XKR4: variants seen among roughly 807,000 people sequenced by gnomAD.
XKR4 encodes XK-related protein 4.
XKR4 carries 12 observed loss-of-function variants against 53.9 expected under a neutral mutation model. The observed-to-expected ratio is 0.22, with a 90% confidence interval of 0.14 to 0.36. The LOEUF is 0.36. XKR4 is among the 10% of genes least tolerant of loss of function. XKR4 has a pLI of 1.00. For missense variants in XKR4, 799 were observed against 859.5 expected, an observed-to-expected ratio of 0.93 and a Z score of 0.88; for synonymous variants, 354 against 362.4, an observed-to-expected ratio of 0.98 and a Z score of 0.26.
rs150115784 is a variant in XKR4 at position 55,149,048 on chromosome 8, T to C, written c.806+45754T>C. Among the ~76,000 whole-genome samples the C allele has an allele frequency of 2.1e-3, 324 of 152,368 alleles. 2 individuals carry two copies. Among genetic ancestry groups the C allele is most frequent in the African/African-American group, 7.4e-3 (308 of 41,590 alleles). On this transcript the variant is annotated intron_variant, in intron 1 of 2. Coordinates refer to ENST00000327381, the MANE Select transcript of XKR4 (RefSeq NM_052898.2). ...CAGGAAACACATTTACTTTTTTTTT[T>C]CCTTTACTTCTAAGGTGTAGCCCTA...
chr8:55,376,255 T>A (rs113666254), intron 2 of XKR4, among the ~76,000 whole-genome samples: 7 of 152,310 alleles, frequency 4.6e-5, no homozygotes, highest in African/African-American at 1.7e-4. Context: ...AGTAATGGGA[T>A]TGCTGGGTAA....
intron 1 of XKR4, among the ~76,000 whole-genome samples, chr8:55,246,065 G>C (rs1438375134): frequency 6.6e-6 from 1 of 152,194 alleles, no homozygotes; most frequent in Non-Finnish European, 1.5e-5. Flanking sequence ...TTGTGTCACT[G>C]AACTATAGCC....
chr8:55,162,607 A>G (rs539899305), intron 1 of XKR4, among the ~76,000 whole-genome samples: 4 of 152,324 alleles, frequency 2.6e-5, no homozygotes, highest in African/African-American at 7.2e-5. Flanking sequence ...AATGATTGTT[A>G]CTTTTAAAGC....
At chr8:55,415,641 C>G (rs1804835915) in intron 2 of XKR4, among the ~76,000 whole-genome samples, 1 of 152,292 alleles carries the variant, frequency 6.6e-6, no homozygotes, top group African/African-American at 2.4e-5. Context: ...GCCACTGTTA[C>G]AGAAGAATTC....
chr8:55,406,497 T>C (rs1804685217), intron 2 of XKR4, among the ~76,000 whole-genome samples: 1 of 152,170 alleles, frequency 6.6e-6, no homozygotes, highest in Non-Finnish European at 1.5e-5. Flanking sequence ...CATAAATATA[T>C]ACATGCAACT....
intron 2 of XKR4, among the ~76,000 whole-genome samples, chr8:55,425,316 G>T (rs1804995631): frequency 6.6e-6 from 1 of 152,184 alleles, no homozygotes; most frequent in Non-Finnish European, 1.5e-5. Flanking sequence ...GGATTTGAAT[G>T]CTCACCTGGA....
At chr8:55,270,808 C>T (rs77681478) in intron 1 of XKR4, among the ~76,000 whole-genome samples, 16 of 152,264 alleles carry the variant, frequency 1.1e-4, no homozygotes, top group East Asian at 9.6e-4. Context: ...TCTTCTTCCA[C>T]GCATGACTTT....
intron 1 of XKR4, among the ~76,000 whole-genome samples, chr8:55,253,693 A>G (rs113051263): frequency 1.4e-3 from 205 of 151,526 alleles, no homozygotes; most frequent in African/African-American, 4.8e-3. Flanking sequence ...TGTGGGGTTC[A>G]GAGCTGGTCT....
intron 2 of XKR4, among the ~76,000 whole-genome samples, chr8:55,373,597 G>A (rs984931069): frequency 7.2e-5 from 11 of 152,018 alleles, no homozygotes; most frequent in Non-Finnish European, 1.2e-4. Flanking sequence ...TCAATGAAGG[G>A]GCACCTCCAG....
intron 1 of XKR4, among the ~76,000 whole-genome samples, chr8:55,223,410 C>A (rs548186830): frequency 6.6e-6 from 1 of 152,278 alleles, no homozygotes; most frequent in South Asian, 2.1e-4. Context: ...TGGAAACTTA[C>A]AAGATAAAAA....
At chr8:55,166,933 G>C (rs1817073203) in intron 1 of XKR4, among the ~76,000 whole-genome samples, 1 of 152,174 alleles carries the variant, frequency 6.6e-6, no homozygotes, top group Admixed American at 6.5e-5. Context: ...ATTTTAAAAG[G>C]CTCATTTGGG....
intron 2 of XKR4, among the ~76,000 whole-genome samples, chr8:55,493,796 C>T (rs190454888): frequency 5.2e-4 from 79 of 152,348 alleles, no homozygotes; most frequent in African/African-American, 1.9e-3. Context: ...CCCATCCACA[C>T]AGTTCTCCTT....
chr8:55,437,877 A>G (rs1805198573), intron 2 of XKR4, among the ~76,000 whole-genome samples: 1 of 152,144 alleles, frequency 6.6e-6, no homozygotes. Flanking sequence ...TTTTAAAGAA[A>G]CTAGGGAATT....
chr8:55,264,491 T>C (rs1818571371), intron 1 of XKR4, among the ~76,000 whole-genome samples: 1 of 152,162 alleles, frequency 6.6e-6, no homozygotes, highest in African/African-American at 2.4e-5. Flanking sequence ...ATCTGTAGGG[T>C]TACTAGAACA....
intron 1 of XKR4, among the ~76,000 whole-genome samples, chr8:55,160,514 G>A (rs1013921456): frequency 6.6e-6 from 1 of 152,152 alleles, no homozygotes; most frequent in South Asian, 2.1e-4. Context: ...GCAAGGACAA[G>A]GTCTAGGGTG....
intron 1 of XKR4, among the ~76,000 whole-genome samples, chr8:55,252,214 T>C (rs2129369837): frequency 6.6e-6 from 1 of 152,346 alleles, no homozygotes; most frequent in East Asian, 1.9e-4. Flanking sequence ...GCAGCAACTG[T>C]ATACTAAGCA....
At chr8:55,423,215 C>G (rs557105377) in intron 2 of XKR4, among the ~76,000 whole-genome samples, 36 of 152,180 alleles carry the variant, frequency 2.4e-4, no homozygotes, top group Non-Finnish European at 4.4e-4. Context: ...CATGCCTCAG[C>G]CTCCTGAGTA....
chr8:55,210,506 A>G (rs1258404432), intron 1 of XKR4, among the ~76,000 whole-genome samples: 3 of 152,222 alleles, frequency 2.0e-5, no homozygotes, highest in Non-Finnish European at 2.9e-5. Context: ...CAGTTTTCAG[A>G]TCTTTTTCAT....
intron 2 of XKR4, chr8:55,450,679 G>A (rs1016525100): frequency 1.7e-6 from 1 of 589,346 alleles, no homozygotes; most frequent in Admixed American, 2.2e-5. Flanking sequence ...GCTCTGTCCA[G>A]CCAGAATGTG....
Sources: gnomAD v4.1 joint callset for allele counts (sites outside exome capture counted in the v4.1 genomes callset) on GRCh38, gnomAD v4.1.1 for gene constraint, MANE v1.5 for transcripts, NCBI Gene and HGNC (gene_info 2026-07-23, HGNC 2026-07-21) for gene names.